RAP1GAP2: variants seen among roughly 807,000 people sequenced by gnomAD.
The protein encoded by RAP1GAP2 is rap1 GTPase-activating protein 2.
Under a neutral mutation model 95.0 loss-of-function variants are expected in RAP1GAP2, and 27 were observed. That is an observed-to-expected ratio of 0.28 (90% CI 0.21 to 0.39). The LOEUF (loss-of-function observed/expected upper bound fraction) is 0.39, where lower values mean the gene tolerates loss of function less well. RAP1GAP2 is among the 10% of genes least tolerant of loss of function. The probability of loss-of-function intolerance (pLI) is 1.00; values close to 1 mark genes in which losing one functional copy is unlikely to be tolerated. For synonymous variants in RAP1GAP2, 373 were observed against 380.9 expected (o/e 0.98, Z 0.24); for missense variants, 771 against 970.0 (o/e 0.79, Z 2.72).
chr17:2,920,043 C>T (rs1211183884), intron 3 of RAP1GAP2, among the ~76,000 whole-genome samples: 44 of 145,434 alleles, frequency 3.0e-4, no homozygotes, highest in Non-Finnish European at 1.0e-4. Context: ...GGTTCTCTGT[C>T]GCCCAGACTG....
At chr17:2,960,745 G>A (rs2044287592) in intron 4 of RAP1GAP2, among the ~76,000 whole-genome samples, 1 of 152,214 alleles carries the variant, frequency 6.6e-6, no homozygotes, top group South Asian at 2.1e-4. Context: ...AAATCCCTGT[G>A]CATTAGTGTT....
intron 12 of RAP1GAP2, among the ~76,000 whole-genome samples, chr17:2,992,537 C>T (rs2045800032): frequency 1.3e-5 from 2 of 152,144 alleles, no homozygotes; most frequent in Non-Finnish European, 2.9e-5. Flanking sequence ...CTTGACTTTC[C>T]TTGGCCAAGA....
chr17:2,994,027 CAG>C (rs1309879445), intron 12 of RAP1GAP2, among the ~76,000 whole-genome samples: 3 of 152,226 alleles, frequency 2.0e-5, no homozygotes, highest in Non-Finnish European at 2.9e-5. Context: ...GCCTGGATGA[CAG>C]AGTGAACCCC....
chr17:2,818,074 G>T (rs887741777), intron 2 of RAP1GAP2, among the ~76,000 whole-genome samples: 52 of 150,922 alleles, frequency 3.4e-4, no homozygotes, highest in South Asian at 8.4e-4. Context: ...CTGACCTCGT[G>T]ATCTGCCCTC....
intron 2 of RAP1GAP2, among the ~76,000 whole-genome samples, chr17:2,882,457 A>G (rs2073341771): frequency 6.6e-6 from 1 of 151,834 alleles, no homozygotes; most frequent in Non-Finnish European, 1.5e-5. Context: ...ACGCCCGGCT[A>G]ATTTTTGCAT....
intron 2 of RAP1GAP2, among the ~76,000 whole-genome samples, chr17:2,859,439 A>T (rs1363421585): frequency 1.3e-5 from 2 of 150,128 alleles, no homozygotes; most frequent in Non-Finnish European, 1.5e-5. Context: ...AAAAAATTTT[A>T]ATTTAATTTT....
At chr17:2,914,373 ATATTTTTCATATGCTTATTGAC>A (rs1254214416) in intron 3 of RAP1GAP2, among the ~76,000 whole-genome samples, 1 of 152,192 alleles carries the variant, frequency 6.6e-6, no homozygotes, top group Non-Finnish European at 1.5e-5. Context: ...ATGATGTTGA[ATATTTTTCATATGCTTATTGAC>A]TATTCTTATA....
chr17:2,931,522 CCTT>C (rs2043156062), intron 3 of RAP1GAP2, among the ~76,000 whole-genome samples: 1 of 152,192 alleles, frequency 6.6e-6, no homozygotes, highest in South Asian at 2.1e-4. Context: ...CCCAGCACCC[CCTT>C]CTTCAGCCCC....
Position 2,944,182 on chromosome 17 carries a change from A to C in RAP1GAP2, c.166-13577A>C, listed in dbSNP as rs77102765. On this transcript the variant is annotated intron_variant, in intron 3 of 24. Transcript: ENST00000254695. ...AAACCAAAAAAAAAAAAAAAAAAAA[A>C]ACCAAACCACAAAAGATAACAAGCA... Among the ~76,000 whole-genome samples, 729 of 148,080 alleles carry C rather than the reference A, an allele frequency of 4.9e-3. 5 individuals are homozygous for C. Among genetic ancestry groups the C allele is most frequent in the Middle Eastern group, 0.018 (5 of 280 alleles).
At chr17:2,897,864 G>T (rs560057341) in intron 2 of RAP1GAP2, among the ~76,000 whole-genome samples, 2 of 151,670 alleles carry the variant, frequency 1.3e-5, no homozygotes, top group East Asian at 3.9e-4. Context: ...CTCTGCATCC[G>T]TGAACCCTGG....
chr17:2,805,301 A>C (rs1223500696), intron 2 of RAP1GAP2, among the ~76,000 whole-genome samples: 1 of 151,972 alleles, frequency 6.6e-6, no homozygotes, highest in Non-Finnish European at 1.5e-5. Flanking sequence ...GAGCTCCTTG[A>C]AGGAGCAGCC....
At position 2,963,729 on chromosome 17, in the gene RAP1GAP2, C is replaced by A; in HGVS notation, c.280-127C>A. 1.1e-6 allele frequency: 1 copy of A among 896,800 alleles called. No individual in the cohort carries two copies. The highest frequency in any genetic ancestry group is 1.7e-6 in the Non-Finnish European group (1 of 595,986). The allele number at this position is 896,800 out of a possible 1,614,324, so 55.6% of individuals were successfully genotyped here. ...CTTGGAGGAGGGGTTCATGTCACTGCCTTTGGCCTCAAGTACCAGTGGGTA... is the reference window on the plus strand; with the variant it reads ...CTTGGAGGAGGGGTTCATGTCACTGACTTTGGCCTCAAGTACCAGTGGGTA... On this transcript the variant is annotated intron_variant, in intron 6 of 24. Transcript: ENST00000254695. The surrounding 1 kb of genome is among the most constrained non-coding windows in gnomAD (Gnocchi z 4.8).
rs2046301008 is a variant in RAP1GAP2 at position 3,005,410 on chromosome 17, A to C, written c.1242A>C (p.Pro414=). The C allele has an allele frequency of 6.2e-7, 1 of 1,613,510 alleles. No individual in the cohort carries two copies. Among genetic ancestry groups the C allele is most frequent in the African/African-American group, 1.3e-5 (1 of 74,812 alleles). ...GGGAAGATGTGCCCACCTTTGGTCCACCTCTGCCCAGTCCCCCCGTTTTCC... is the reference window on the plus strand; with the variant it reads ...GGGAAGATGTGCCCACCTTTGGTCCCCCTCTGCCCAGTCCCCCCGTTTTCC... ...TAREDVPTFG[P]PLPSPPVFQK... Residue 414 remains proline (P), a synonymous_variant, in exon 15 of 25, where the codon CCA becomes CCC. Coordinates refer to ENST00000254695, the MANE Select transcript of RAP1GAP2 (RefSeq NM_015085.5). The surrounding 1 kb of genome is among the most constrained non-coding windows in gnomAD (Gnocchi z 5.2).
At position 3,005,350 on chromosome 17, in the gene RAP1GAP2, A is replaced by C; in HGVS notation, c.1201-19A>C. The C allele has an allele frequency of 6.2e-7, 1 of 1,611,886 alleles. No individual in the cohort carries two copies. Among genetic ancestry groups the C allele is most frequent in the Non-Finnish European group, 8.5e-7 (1 of 1,177,962 alleles). Reference sequence around the variant, plus strand: ...CGTCTCTTCCCTCCAGGTCCGTACCATGACTCTGTTTCACTCAGGTCTCTG... The same window carrying C: ...CGTCTCTTCCCTCCAGGTCCGTACCCTGACTCTGTTTCACTCAGGTCTCTG... On this transcript the variant is annotated intron_variant, in intron 14 of 24. Coordinates refer to ENST00000254695, the MANE Select transcript of RAP1GAP2 (RefSeq NM_015085.5). This position sits in a 1 kb window ranked among gnomAD's most constrained non-coding sequence, Gnocchi z 5.2.
At chr17:2,977,138 GAAAAA>G (rs538717532) in intron 8 of RAP1GAP2, among the ~76,000 whole-genome samples, 2 of 145,924 alleles carry the variant, frequency 1.4e-5, no homozygotes, top group African/African-American at 5.0e-5. Flanking sequence ...AAAAAAAAAA[GAAAAA>G]AAGAAAAGAA....
At chr17:3,019,756 C>T (rs73300907) in intron 18 of RAP1GAP2, among the ~76,000 whole-genome samples, 15 of 152,180 alleles carry the variant, frequency 9.9e-5, no homozygotes, top group Admixed American at 9.2e-4. Context: ...AGACTCAGGT[C>T]GGGTCTCATT....
At chr17:2,999,685 G>T (rs543339965) in intron 14 of RAP1GAP2, among the ~76,000 whole-genome samples, 1 of 152,008 alleles carries the variant, frequency 6.6e-6, no homozygotes, top group Admixed American at 6.6e-5. Flanking sequence ...GGTGGCGTAC[G>T]CCTGTAATTC....
intron 2 of RAP1GAP2, among the ~76,000 whole-genome samples, chr17:2,817,113 A>G (rs1391376843): frequency 9.1e-6 from 1 of 109,530 alleles, no homozygotes; most frequent in East Asian, 2.5e-4. Flanking sequence ...TCAGCCTCCT[A>G]TGTAGCTGGG....
chr17:3,032,560 T>G, intron 24 of RAP1GAP2, 111 bp downstream of exon 24: 2 of 1,064,058 alleles, frequency 1.9e-6, no homozygotes, highest in Non-Finnish European at 2.9e-6. Context: ...TGCCGCCAGC[T>G]GGGGATGTCC....
Sources: gnomAD v4.1 joint callset for allele counts (sites outside exome capture counted in the v4.1 genomes callset) on GRCh38, gnomAD v4.1.1 for gene constraint, Gnocchi (gnomAD v3.1) non-coding constraint, MANE v1.5 for transcripts, NCBI Gene and HGNC (gene_info 2026-07-23, HGNC 2026-07-21) for gene names.